EYS: variants seen among roughly 807,000 people sequenced by gnomAD.
EYS encodes the protein protein eyes shut homolog.
A neutral mutation model predicts 282.1 loss-of-function variants in EYS; 250 were observed. The ratio of observed to expected loss-of-function variants is 0.89; its 90% CI spans 0.80 to 0.98. The LOEUF is 0.98. EYS is among the 50% of genes least tolerant of loss of function. The pLI is 0.00. For synonymous variants in EYS, 1,355 were observed against 1,282.9 expected (o/e 1.06, Z -1.20); for missense variants, 4,016 against 3,709.0 (o/e 1.08, Z -2.15).
At chr6:63,764,788 C>T (rs1257727014) in intron 40 of EYS, among the ~76,000 whole-genome samples, 1 of 151,814 alleles carries the variant, frequency 6.6e-6, no homozygotes, top group African/African-American at 2.4e-5. Flanking sequence ...TATAGTTTGT[C>T]TCAGAATTTT....
chr6:65,513,945 A>G (rs1191275487), intron 2 of EYS, among the ~76,000 whole-genome samples: 1 of 152,184 alleles, frequency 6.6e-6, no homozygotes, highest in African/African-American at 2.4e-5. Context: ...GGTCAGGGCA[A>G]TTAGGCAGGA....
intron 37 of EYS, among the ~76,000 whole-genome samples, chr6:63,791,278 T>G (rs1169282146): frequency 2.0e-5 from 3 of 152,112 alleles, no homozygotes; most frequent in Non-Finnish European, 4.4e-5. Context: ...GTTTAAGAAC[T>G]GCTGGGGCCG....
chr6:63,835,348 TAC>T (rs545681031), intron 36 of EYS, among the ~76,000 whole-genome samples: 2,001 of 150,298 alleles, frequency 0.013, 34 homozygotes, highest in African/African-American at 0.046. Flanking sequence ...TATATATATA[TAC>T]ACACACACAC....
chr6:64,326,638 G>A (rs947084421), intron 29 of EYS, among the ~76,000 whole-genome samples: 3 of 152,074 alleles, frequency 2.0e-5, no homozygotes, highest in African/African-American at 7.2e-5. Flanking sequence ...ATCTGGGATT[G>A]GAGATGGCAG....
At chr6:63,951,249 G>C (rs1300405502) in intron 35 of EYS, among the ~76,000 whole-genome samples, 2 of 152,062 alleles carry the variant, frequency 1.3e-5, no homozygotes, top group East Asian at 3.9e-4. Flanking sequence ...ACTTTCTTCT[G>C]CAATGCCACT....
intron 22 of EYS, among the ~76,000 whole-genome samples, chr6:64,812,793 A>G (rs1323808379): frequency 6.6e-6 from 1 of 151,980 alleles, no homozygotes; most frequent in Non-Finnish European, 1.5e-5. Flanking sequence ...TTAAAGTTGA[A>G]CAGATAGTGA....
At chr6:64,819,081 CTCT>C (rs1764823640) in intron 21 of EYS, among the ~76,000 whole-genome samples, 4 of 152,056 alleles carry the variant, frequency 2.6e-5, no homozygotes, top group African/African-American at 9.7e-5. Flanking sequence ...TTTTTCTTGC[CTCT>C]TTAGCCTTGA....
chr6:64,361,666 C>T (rs1296657514), intron 29 of EYS, among the ~76,000 whole-genome samples: 1 of 151,690 alleles, frequency 6.6e-6, no homozygotes, highest in African/African-American at 2.4e-5. Flanking sequence ...AATATGATCA[C>T]AAAAGTATTC....
intron 15 of EYS, among the ~76,000 whole-genome samples, chr6:64,916,083 G>A (rs191504597): frequency 3.9e-5 from 6 of 152,104 alleles, no homozygotes; most frequent in Admixed American, 3.9e-4. Context: ...CATATAATGG[G>A]ACTCAGTTAA....
intron 28 of EYS, among the ~76,000 whole-genome samples, chr6:64,405,530 G>C (rs1397270274): frequency 6.6e-6 from 1 of 152,192 alleles, no homozygotes; most frequent in East Asian, 1.9e-4. Flanking sequence ...AAAAGCAGAA[G>C]TCAAATTGTC....
At chr6:64,333,956 A>G (rs1456421403) in intron 29 of EYS, among the ~76,000 whole-genome samples, 1 of 152,206 alleles carries the variant, frequency 6.6e-6, no homozygotes, top group African/African-American at 2.4e-5. Context: ...CCTTGCCCGA[A>G]TTTGCTACAA....
At chr6:64,562,840 C>T (rs777546228) in intron 26 of EYS, among the ~76,000 whole-genome samples, 97 of 151,810 alleles carry the variant, frequency 6.4e-4, no homozygotes, top group Non-Finnish European at 1.3e-3. Context: ...CTATGTCTTT[C>T]TTTCTGCCAG....
At chr6:65,152,072 G>A (rs1391891356) in intron 12 of EYS, among the ~76,000 whole-genome samples, 1 of 151,778 alleles carries the variant, frequency 6.6e-6, no homozygotes, top group Non-Finnish European at 1.5e-5. Context: ...CTTGCAAAAG[G>A]CCACGAACCA....
intron 12 of EYS, among the ~76,000 whole-genome samples, chr6:65,148,294 C>T (rs1764527910): frequency 6.6e-6 from 1 of 152,110 alleles, no homozygotes; most frequent in African/African-American, 2.4e-5. Context: ...AATGGGGGTA[C>T]AGGCATTGTG....
chr6:64,818,210 C>A (rs2150019581), intron 21 of EYS, among the ~76,000 whole-genome samples: 1 of 152,268 alleles, frequency 6.6e-6, no homozygotes, highest in Middle Eastern at 3.4e-3. Context: ...CTGCCCTACT[C>A]ACTTTCCTTT....
intron 2 of EYS, among the ~76,000 whole-genome samples, chr6:65,550,818 T>C (rs2127333065): frequency 6.4e-5 from 1 of 15,508 alleles, no homozygotes; most frequent in South Asian, 3.4e-3. Flanking sequence ...TGTGTCTTTA[T>C]AGCAGCATGA....
At chr6:65,597,667 C>A (rs1005204898) in intron 2 of EYS, among the ~76,000 whole-genome samples, 1 of 152,046 alleles carries the variant, frequency 6.6e-6, no homozygotes, top group Non-Finnish European at 1.5e-5. Flanking sequence ...CACACAGGAT[C>A]AAAGGAAGGA....
At chr6:64,023,263 C>G (rs1215921838) in intron 33 of EYS, among the ~76,000 whole-genome samples, 1 of 152,138 alleles carries the variant, frequency 6.6e-6, no homozygotes, top group African/African-American at 2.4e-5. Flanking sequence ...CTCTGTTGAT[C>G]GATACTTCTC....
intron 39 of EYS, among the ~76,000 whole-genome samples, chr6:63,780,381 C>T (rs1217702353): frequency 6.6e-6 from 1 of 152,162 alleles, no homozygotes; most frequent in Admixed American, 6.5e-5. Flanking sequence ...AAAAGTGTTC[C>T]TATTTCTCCA....
Sources: gnomAD v4.1 joint callset for allele counts (sites outside exome capture counted in the v4.1 genomes callset) on GRCh38, gnomAD v4.1.1 for gene constraint, MANE v1.5 for transcripts, NCBI Gene and HGNC (gene_info 2026-07-23, HGNC 2026-07-21) for gene names.